The following PTCH1 variants were observed in gnomAD, a reference collection of about 807,000 sequenced individuals.
The protein encoded by PTCH1 is protein patched homolog 1.
PTCH1 carries 14 observed loss-of-function variants against 144.6 expected under a neutral mutation model. The observed-to-expected ratio is 0.10, with a 90% CI of 0.06 to 0.15. The LOEUF is 0.15. Ranked by LOEUF, PTCH1 falls within the 10% of genes least tolerant of loss-of-function variation. The pLI, the probability that PTCH1 is intolerant of heterozygous loss-of-function variation, is 1.00. For synonymous variants in PTCH1, 833 were observed against 793.6 expected (o/e 1.05, Z -0.83); for missense variants, 1,623 against 1,948.3 (o/e 0.83, Z 3.14).
chr9:95,507,802 C>T (rs1245592778), intron 1 of PTCH1: 2 of 463,586 alleles, frequency 4.3e-6, no homozygotes, highest in Non-Finnish European at 6.2e-6. Flanking sequence ...AAGTTCAGGG[C>T]AGGGGGCACG....
intron 2 of PTCH1, among the ~76,000 whole-genome samples, chr9:95,505,687 C>G (rs930876646): frequency 2.0e-5 from 3 of 150,042 alleles, no homozygotes. Context: ...ATGTAAAAAG[C>G]CCCCACCCGC....
At chr9:95,483,042 G>A (rs996335071) in intron 3 of PTCH1, 3 of 152,140 alleles carry the variant, frequency 2.0e-5, no homozygotes, top group Non-Finnish European at 4.4e-5. Flanking sequence ...CTGAGGCAGT[G>A]AGCTGTGATT....
At chr9:95,480,689 T>A in intron 5 of PTCH1, 101 bp from the exon 6 acceptor site, 1 of 1,219,652 alleles carries the variant, frequency 8.2e-7, no homozygotes, top group Non-Finnish European at 1.2e-6. Context: ...AGGAGGTTCC[T>A]GGCAATGCTG....
intron 17 of PTCH1, 44 bp downstream of exon 17, chr9:95,459,556 G>T (rs1839266361): frequency 1.2e-6 from 2 of 1,607,678 alleles, no homozygotes; most frequent in Admixed American, 1.7e-5. Context: ...ACCAGGGAAG[G>T]CACCTCTGTA....
chr9:95,462,096 T>C (rs2136691729), intron 15 of PTCH1, 98 bp from the exon 16 acceptor site: 1 of 1,378,912 alleles, frequency 7.3e-7, no homozygotes, highest in South Asian at 1.2e-5. Flanking sequence ...GGCAGGGGGC[T>C]CTTAGACGTC....
intron 1 of PTCH1, chr9:95,507,315 G>A (rs1843758639): frequency 1.2e-5 from 12 of 985,472 alleles, no homozygotes; most frequent in South Asian, 9.4e-5. Flanking sequence ...AAACAGCCGA[G>A]TGCAAAGGGA....
At chr9:95,516,385 G>T in intron 1 of PTCH1, 1 of 1,110,272 alleles carries the variant, frequency 9.0e-7, no homozygotes, top group Non-Finnish European at 1.1e-6. Flanking sequence ...GGGGCGTCCC[G>T]CGTCCCCGTG....
chr9:95,507,080 C>A, intron 1 of PTCH1: 3 of 986,202 alleles, frequency 3.0e-6, no homozygotes, highest in South Asian at 4.7e-5. Context: ...ATTGCGGGTT[C>A]CCCCAACTGG....
chr9:95,456,501 C>T, intron 18 of PTCH1, 88 bp from the exon 19 acceptor site: 1 of 1,517,200 alleles, frequency 6.6e-7, no homozygotes, highest in Non-Finnish European at 8.9e-7. Context: ...CTAAGGTGTC[C>T]TCGGTTCAGA....
At chr9:95,477,802 G>A in intron 9 of PTCH1, 100 bp from the exon 10 acceptor site, 4 of 1,528,032 alleles carry the variant, frequency 2.6e-6, no homozygotes, top group Non-Finnish European at 3.6e-6. Context: ...TCAAAAGGCA[G>A]AACTTATCCA....
chr9:95,468,724 GA>G, intron 14 of PTCH1, 26 bp downstream of exon 14: 1 of 1,610,874 alleles, frequency 6.2e-7, no homozygotes, highest in Non-Finnish European at 8.5e-7. Context: ...TTGAAGACAG[GA>G]AGAGCCTTAA....
rs2118046186 is a variant in PTCH1 at position 95,468,992 on chromosome 9, G to C, written c.2009C>G (p.Pro670Arg). ...STVQLRTEYD[P>R]HTHVYYTTAE... ...GGTGGTGTAGTACACGTGCGTGTGG[G>C]GGTCGTACTCCGTGCGGAGCTGGAC... The change falls in exon 14 of 24, where the codon CCC (proline) becomes CGC (arginine). Residue 670 changes from proline (P) to arginine (R), a missense_variant. By Grantham distance (103) the Pro-to-Arg change is moderately radical (BLOSUM62 -2). Coordinates refer to ENST00000331920, the MANE Select transcript of PTCH1 (RefSeq NM_000264.5). 6.2e-7 allele frequency: 1 copy of C among 1,614,096 alleles called. No homozygotes were observed. The highest frequency in any genetic ancestry group is 8.5e-7 in the Non-Finnish European group (1 of 1,180,034).
intron 12 of PTCH1, chr9:95,473,957 G>A (rs1030880644): frequency 3.3e-5 from 14 of 418,270 alleles, no homozygotes; most frequent in Non-Finnish European, 6.7e-5. Flanking sequence ...GTGGTGCTTT[G>A]AAACAGAAAC....
chr9:95,461,537 C>G (rs1839455740), intron 16 of PTCH1, among the ~76,000 whole-genome samples: 1 of 152,212 alleles, frequency 6.6e-6, no homozygotes, highest in South Asian at 2.1e-4. Flanking sequence ...CTGAAAGAAT[C>G]ACACGCCGCT....
intron 9 of PTCH1, 109 bp from the exon 10 acceptor site, chr9:95,477,811 CA>C: frequency 5.3e-6 from 8 of 1,504,554 alleles, no homozygotes; most frequent in Non-Finnish European, 7.2e-6. Flanking sequence ...AGAACTTATC[CA>C]ACAACAACAA....
At chr9:95,446,481 TG>T (rs2136567070) in intron 23 of PTCH1, 90 bp from the exon 24 acceptor site, 6 of 494,284 alleles carry the variant, frequency 1.2e-5, no homozygotes, top group South Asian at 8.9e-5. Context: ...GCAGTAACCT[TG>T]GTATTAGAAA....
chr9:95,449,719 G>C lies in PTCH1; in HGVS notation c.3549+122C>G. On this transcript the variant is annotated intron_variant, in intron 21 of 23. Coordinates refer to ENST00000331920, the MANE Select transcript of PTCH1 (RefSeq NM_000264.5). The surrounding 1 kb of genome is among the most constrained non-coding windows in gnomAD (Gnocchi z 5.3). ...CGAAGAGGAAAACAGACATGACTCTGAGATGTTTACTGAAGAACCACCAGC... is the reference window on the plus strand; with the variant it reads ...CGAAGAGGAAAACAGACATGACTCTCAGATGTTTACTGAAGAACCACCAGC... The C allele has an allele frequency of 2.1e-6, 2 of 962,892 alleles. No individual in the cohort carries two copies. Among genetic ancestry groups the C allele is most frequent in the Admixed American group, 4.0e-5 (2 of 50,406 alleles). 59.6% of individuals were successfully genotyped at this position (962,892 alleles called of 1,614,324 possible). A position where few individuals can be genotyped will look rare whatever the true frequency, so the allele number is the denominator to read the frequency against.
At chr9:95,465,305 C>A (rs1441727803) in intron 15 of PTCH1, among the ~76,000 whole-genome samples, 7 of 152,198 alleles carry the variant, frequency 4.6e-5, no homozygotes, top group Non-Finnish European at 5.9e-5. Context: ...TGCTCACAGA[C>A]TGGCAGGGCA....
chr9:95,493,739 A>C (rs1286036637), intron 2 of PTCH1, among the ~76,000 whole-genome samples: 2 of 152,154 alleles, frequency 1.3e-5, no homozygotes, highest in Non-Finnish European at 2.9e-5. Context: ...GAAAAAGTAC[A>C]AATCTCTAAG....
Sources: allele counts gnomAD v4.1 joint callset (sites outside exome capture counted in the v4.1 genomes callset), GRCh38; gene constraint gnomAD v4.1.1; non-coding constraint Gnocchi (gnomAD v3.1); transcripts MANE v1.5; gene names NCBI Gene and HGNC (gene_info 2026-07-23, HGNC 2026-07-21).